Variants in TNRC18 observed in about 807,000 individuals in gnomAD.
TNRC18 encodes the protein trinucleotide repeat-containing gene 18 protein.
A neutral mutation model predicts 226.7 loss-of-function variants in TNRC18; 69 were observed. The ratio of observed to expected loss-of-function variants is 0.30; its 90% CI spans 0.25 to 0.37. The LOEUF is 0.37. TNRC18 is among the 10% of genes least tolerant of loss of function. The pLI is 1.00. For missense variants in TNRC18, 4,754 were observed against 4,256.6 expected (o/e 1.12, Z -3.25); for synonymous variants, 2,449 against 1,927.6 (o/e 1.27, Z -7.09).
At chr7:5,398,879 C>T (rs981096929) in intron 2 of TNRC18, among the ~76,000 whole-genome samples, 1 of 152,164 alleles carries the variant, frequency 6.6e-6, no homozygotes, top group African/African-American at 2.4e-5. Context: ...CTGCCTTGGC[C>T]TCCCAAAGTG....
At chr7:5,356,080 C>T (rs551963998) in intron 16 of TNRC18, among the ~76,000 whole-genome samples, 1 of 151,886 alleles carries the variant, frequency 6.6e-6, no homozygotes, top group East Asian at 1.9e-4. Flanking sequence ...AAGGGAATCG[C>T]TTGAACCCAG....
rs1451956626 is a variant in TNRC18 at position 5,370,501 on chromosome 7, C to G, written c.4093G>C (p.Ala1365Pro). 2 of 1,594,618 alleles carry G rather than the reference C, an allele frequency of 1.3e-6. No homozygotes were observed. The highest frequency in any genetic ancestry group is 2.3e-5 in the South Asian group (2 of 88,334). ...RPLPSPGAAG[A>P]QALEKLEAAE... is the part of the protein sequence containing the mutation. ...GCTTCCAGCTTCTCCAAGGCCTGGGCTCCAGCAGCACCCGGGGAGGGCAGA... is the reference window on the plus strand; with the variant it reads ...GCTTCCAGCTTCTCCAAGGCCTGGGGTCCAGCAGCACCCGGGGAGGGCAGA... The change falls in exon 11 of 30, where the codon GCC (alanine) becomes CCC (proline). Residue 1365 changes from alanine (A) to proline (P), a missense_variant. By Grantham distance (27) the Ala-to-Pro change is conservative (BLOSUM62 -1). Coordinates refer to ENST00000430969, the MANE Select transcript of TNRC18 (RefSeq NM_001080495.3).
Position 5,388,097 on chromosome 7 carries a change from G to A in TNRC18, c.1727C>T (p.Ala576Val). The A allele has an allele frequency of 6.4e-7, 1 of 1,553,252 alleles. No homozygotes were observed. Among genetic ancestry groups the A allele is most frequent in the Non-Finnish European group, 8.7e-7 (1 of 1,149,000 alleles). ...GGCCGAGGCCTCTCCAGACCCGTGG[G>A]CCGCAGAGTGCATGTCAGCGACCGG... The part of the protein sequence containing the change: ...GRPVADMHSA[A>V]HGSGEASAMQ... Residue 576 changes from alanine to valine, a missense_variant, in exon 5 of 30, where the codon GCC becomes GTC. Transcript: ENST00000430969.
At position 5,356,909 on chromosome 7, in the gene TNRC18, T is replaced by A; in HGVS notation, c.5194+7A>T. ...GGACCAGAGGTGGCGCGGCATACGC[T>A]ACTTACTGTAAGAGTAGCTGCTCAC... On this transcript the variant is annotated splice_region_variant and intron_variant, in intron 16 of 29. Coordinates refer to ENST00000430969, the MANE Select transcript of TNRC18 (RefSeq NM_001080495.3). 2.0e-6 allele frequency: 3 copies of A among 1,534,910 alleles called. No homozygotes were observed. The highest frequency in any genetic ancestry group is 2.6e-6 in the Non-Finnish European group (3 of 1,138,314).
chr7:5,377,333 C>T lies in TNRC18; in HGVS notation c.2461+38G>A. On this transcript the variant is annotated intron_variant, in intron 7 of 29. Transcript: ENST00000430969. The surrounding 1 kb of genome is among the most constrained non-coding windows in gnomAD (Gnocchi z 5.8). ...CTGCACCCGCCCCCTCCCACCCCTC[C>T]CTCAGAGAAGGGGAGAGACCCTGTG... is the stretch of plus-strand genomic sequence containing the variant. 1 of 1,345,590 alleles carries T rather than the reference C, an allele frequency of 7.4e-7. No homozygotes were observed. Among genetic ancestry groups the T allele is most frequent in the Non-Finnish European group, 1.0e-6 (1 of 988,670 alleles). 83.4% of individuals were successfully genotyped at this position (1,345,590 alleles called of 1,614,324 possible).
At chr7:5,346,158 G>A (rs994638140) in intron 17 of TNRC18, among the ~76,000 whole-genome samples, 2 of 152,238 alleles carry the variant, frequency 1.3e-5, no homozygotes, top group Non-Finnish European at 2.9e-5. Context: ...AGTCACACGC[G>A]CACACGCCCC....
intron 18 of TNRC18, among the ~76,000 whole-genome samples, chr7:5,334,269 A>T (rs1313879101): frequency 6.6e-6 from 1 of 151,580 alleles, no homozygotes; most frequent in Non-Finnish European, 1.5e-5. Flanking sequence ...AAAAGTCACC[A>T]GCAAAGTGTA....
At position 5,335,835 on chromosome 7, in the gene TNRC18, GAAAAAAAAAAAAA is replaced by G. The variant is rs61412615; in HGVS notation, c.5720-2799_5720-2787del. Among the ~76,000 whole-genome samples the G allele has an allele frequency of 1.2e-3, 156 of 126,736 alleles. 1 individual carries two copies. Among genetic ancestry groups the G allele is most frequent in the Non-Finnish European group, 1.7e-3 (105 of 62,672 alleles). 83.1% of individuals were successfully genotyped at this position (126,736 alleles called of 152,430 possible). A position where few individuals can be genotyped will look rare whatever the true frequency, so the allele number is the denominator to read the frequency against. On this transcript the variant is annotated intron_variant, in intron 18 of 29. Coordinates refer to ENST00000430969, the MANE Select transcript of TNRC18 (RefSeq NM_001080495.3). ...AAAACAAAGGAGATCATATTCACTG[GAAAAAAAAAAAAA>G]AAAAAAAAAAGGCATTCTGACTCTC...
At chr7:5,393,231 T>A (rs564587545) in intron 3 of TNRC18, among the ~76,000 whole-genome samples, 10 of 152,334 alleles carry the variant, frequency 6.6e-5, no homozygotes, top group African/African-American at 1.9e-4. Context: ...GGCATCTGCC[T>A]TGGCTGGTTA....
At chr7:5,381,427 C>T (rs1316682947) in intron 5 of TNRC18, among the ~76,000 whole-genome samples, 1 of 152,090 alleles carries the variant, frequency 6.6e-6, no homozygotes, top group Non-Finnish European at 1.5e-5. Context: ...ACCACCTGGA[C>T]CTCCACCATC....
At position 5,388,787 on chromosome 7, in the gene TNRC18, G is replaced by A. The variant is rs1318386464; in HGVS notation, c.1037C>T (p.Pro346Leu). Residue 346 changes from proline (P) to leucine (L), a missense_variant, in exon 5 of 30, where the codon CCT becomes CTT. By Grantham distance (98) the Pro-to-Leu change is moderately conservative. Transcript: ENST00000430969. ...PPPPAPPKGP[P>L]APPAATPAGV... The stretch of plus-strand genomic sequence containing the variant: ...GGCGGGGGTGGCCGCGGGGGGTGCA[G>A]GAGGCCCCTTGGGGGGCGCGGGCGG... The A allele has an allele frequency of 4.9e-6, 6 of 1,214,902 alleles. No individual in the cohort carries two copies. The highest frequency in any genetic ancestry group is 4.9e-5 in the African/African-American group (3 of 61,524). 75.3% of individuals were successfully genotyped at this position (1,214,902 alleles called of 1,614,324 possible).
rs1786638340 is a variant in TNRC18, at chr7:5,307,276, T to TATC, written c.*827_*829dup. The TATC allele has an allele frequency of 6.7e-6, 1 of 149,484 alleles. No individual in the cohort carries two copies. Among genetic ancestry groups the TATC allele is most frequent in the Admixed American group, 6.7e-5 (1 of 14,944 alleles). The allele number at this position is 149,484 out of a possible 1,614,324, so 9.3% of individuals were successfully genotyped here. Reference sequence around the variant, plus strand: ...GTTTATATATATATTTATATATATTTATCTTTATATATATAATTAAAAAGT... The same window carrying TATC: ...GTTTATATATATATTTATATATATTTATCATCTTTATATATATAATTAAAAAGT... On this transcript the variant is annotated 3_prime_UTR_variant, in exon 30 of 30. Transcript: ENST00000430969.
chr7:5,355,071 AAAC>A (rs1413764048), intron 16 of TNRC18, among the ~76,000 whole-genome samples: 6 of 152,140 alleles, frequency 3.9e-5, no homozygotes, highest in Non-Finnish European at 1.5e-5. Context: ...TTCCCAGAAC[AAAC>A]ACCACTGACA....
intron 18 of TNRC18, among the ~76,000 whole-genome samples, chr7:5,335,379 T>G (rs188644917): frequency 6.7e-6 from 1 of 148,386 alleles, no homozygotes; most frequent in Non-Finnish European, 1.5e-5. Context: ...GGAGGCCAAT[T>G]TGGGCAGATC....
intron 2 of TNRC18, among the ~76,000 whole-genome samples, chr7:5,416,912 G>C (rs1047796194): frequency 1.1e-4 from 17 of 151,534 alleles, no homozygotes; most frequent in Admixed American, 1.1e-3. Context: ...GAGCCCAGGA[G>C]TTTGAGGCTG....
Position 5,312,938 on chromosome 7 carries a change from G to T in TNRC18, c.7953C>A (p.Ser2651=). 7.3e-7 allele frequency: 1 copy of T among 1,377,718 alleles called. No individual in the cohort carries two copies. The highest frequency in any genetic ancestry group is 2.5e-5 in the East Asian group (1 of 40,176). 85.3% of individuals were successfully genotyped at this position (1,377,718 alleles called of 1,614,324 possible). ...SSSSSSSSSS[S]SSSSSSSSSS... ...AGGATGAGGACGAGGAAGAGGAGGAGGAGGAAGAGGAGGAAGACGAAGAGG... is the reference window on the plus strand; with the variant it reads ...AGGATGAGGACGAGGAAGAGGAGGATGAGGAAGAGGAGGAAGACGAAGAGG... Residue 2651 remains serine, a synonymous_variant, in exon 27 of 30, where the codon TCC becomes TCA. Coordinates refer to ENST00000430969, the MANE Select transcript of TNRC18 (RefSeq NM_001080495.3). This position sits in a 1 kb window ranked among gnomAD's most constrained non-coding sequence, Gnocchi z 6.3.
At chr7:5,311,189 CAT>C (rs1491466202) in intron 27 of TNRC18, among the ~76,000 whole-genome samples, 19 of 148,202 alleles carry the variant, frequency 1.3e-4, no homozygotes, top group Middle Eastern at 3.4e-3. Context: ...CATGTGCACA[CAT>C]ATGTGCGTGT....
intron 21 of TNRC18, among the ~76,000 whole-genome samples, chr7:5,321,743 C>G (rs1788385569): frequency 6.6e-6 from 1 of 151,798 alleles, no homozygotes; most frequent in African/African-American, 2.4e-5. Flanking sequence ...ATGATCTCGG[C>G]TCACTGCAAC....
At chr7:5,405,736 T>G (rs567837325) in intron 2 of TNRC18, among the ~76,000 whole-genome samples, 1 of 152,044 alleles carries the variant, frequency 6.6e-6, no homozygotes, top group Non-Finnish European at 1.5e-5. Flanking sequence ...AGAGCAAGAC[T>G]CTGTCTCAAA....
Sources: allele counts gnomAD v4.1 joint callset (sites outside exome capture counted in the v4.1 genomes callset), GRCh38; gene constraint gnomAD v4.1.1; non-coding constraint Gnocchi (gnomAD v3.1); transcripts MANE v1.5; gene names NCBI Gene and HGNC (gene_info 2026-07-23, HGNC 2026-07-21).